Variants in ALX4 observed in about 807,000 individuals in gnomAD.
The protein encoded by ALX4 is homeobox protein aristaless-like 4.
ALX4 carries 22 observed loss-of-function variants against 40.6 expected under a neutral mutation model. The observed-to-expected ratio is 0.54, with a 90% CI of 0.39 to 0.77. The LOEUF is 0.77. Ranked by LOEUF, ALX4 falls within the 30% of genes least tolerant of loss-of-function variation. The pLI is 0.00. For missense variants in ALX4, 556 were observed against 564.8 expected, an observed-to-expected ratio of 0.98 and a Z score of 0.16; for synonymous variants, 266 against 240.5, an observed-to-expected ratio of 1.11 and a Z score of -0.98.
chr11:44,268,660 C>T (rs1307038055), intron 2 of ALX4, among the ~76,000 whole-genome samples: 1 of 152,184 alleles, frequency 6.6e-6, no homozygotes, highest in African/African-American at 2.4e-5. Flanking sequence ...GCAAGAGCTG[C>T]CCTACCCCTG....
intron 2 of ALX4, among the ~76,000 whole-genome samples, chr11:44,270,094 C>G (rs556678072): frequency 6.6e-6 from 1 of 151,682 alleles, no homozygotes; most frequent in Non-Finnish European, 1.5e-5. Context: ...GGAGGGACCC[C>G]GAAGAGGGAA....
At position 44,266,284 on chromosome 11, in the gene ALX4, C is replaced by T. The variant is rs191447372; in HGVS notation, c.907-1101G>A. ...GTGTTGGGTTCTCCCTCCAGCTGTG[C>T]GCTCAGGCAGCAGAGCTCAAAGCCA... On this transcript the variant is annotated intron_variant, in intron 3 of 3. Transcript: ENST00000652299. Among the ~76,000 whole-genome samples, 477 of 152,238 alleles carry T rather than the reference C, an allele frequency of 3.1e-3. 4 individuals carry two copies. Among genetic ancestry groups the T allele is most frequent in the African/African-American group, 0.011 (463 of 41,542 alleles).
In ALX4 at chr11:44,309,786, G is replaced by C. The variant is rs1301693385; in HGVS notation, c.277C>G (p.Gln93Glu). 1.3e-6 allele frequency: 2 copies of C among 1,548,904 alleles called. No homozygotes were observed. Among genetic ancestry groups the C allele is most frequent in the Admixed American group, 2.0e-5 (1 of 50,970 alleles). Residue 93 changes from glutamine (Q) to glutamate (E), a missense_variant, in exon 1 of 4, where the codon CAG becomes GAG. Physicochemically the swap from Gln to Glu is conservative, Grantham distance 29. Coordinates refer to ENST00000652299, the MANE Select transcript of ALX4 (RefSeq NM_021926.4). ...ARGSFNKFQP[Q>E]PSTPQPQPPP... is the part of the protein sequence containing the mutation. ...GGCTGGGGCTGCGGGGTCGACGGCT[G>C]GGGCTGGAACTTGTTAAAGGAGCCC...
chr11:44,284,991 T>G (rs1187485311), intron 1 of ALX4, among the ~76,000 whole-genome samples: 1 of 150,842 alleles, frequency 6.6e-6, no homozygotes, highest in Non-Finnish European at 1.5e-5. Flanking sequence ...TGAGATGGAG[T>G]CTCGCTGTTG....
chr11:44,303,869 G>C (rs920494604), intron 1 of ALX4, among the ~76,000 whole-genome samples: 5 of 152,188 alleles, frequency 3.3e-5, no homozygotes, highest in African/African-American at 4.8e-5. Flanking sequence ...GGTTTACTCC[G>C]CACCCCTCTA....
intron 1 of ALX4, among the ~76,000 whole-genome samples, chr11:44,309,052 G>C (rs983634576): frequency 6.6e-6 from 1 of 152,210 alleles, no homozygotes; most frequent in Non-Finnish European, 1.5e-5. Flanking sequence ...ACCACGCTCC[G>C]GGCTTCCCGC....
intron 1 of ALX4, among the ~76,000 whole-genome samples, chr11:44,285,786 C>G (rs532949306): frequency 6.6e-6 from 1 of 152,262 alleles, no homozygotes; most frequent in Non-Finnish European, 1.5e-5. Flanking sequence ...AAGGGCCACC[C>G]TTCTTCCTCC....
At chr11:44,276,190 G>A (rs1956277002) in intron 1 of ALX4, among the ~76,000 whole-genome samples, 1 of 152,338 alleles carries the variant, frequency 6.6e-6, no homozygotes, top group South Asian at 2.1e-4. Flanking sequence ...AGCAGGAGCT[G>A]TGGAGACTCT....
intron 1 of ALX4, among the ~76,000 whole-genome samples, chr11:44,285,156 G>T (rs755926480): frequency 4.0e-4 from 61 of 152,152 alleles, no homozygotes; most frequent in Non-Finnish European, 7.2e-4. Context: ...GTAGAGACAG[G>T]GTTTCGCCAT....
At chr11:44,306,849 A>C (rs1263408134) in intron 1 of ALX4, among the ~76,000 whole-genome samples, 1 of 152,120 alleles carries the variant, frequency 6.6e-6, no homozygotes, top group Non-Finnish European at 1.5e-5. Context: ...TTGTATCCTC[A>C]GTTTCTCCAT....
chr11:44,293,347 G>A (rs532209418), intron 1 of ALX4, among the ~76,000 whole-genome samples: 2 of 152,164 alleles, frequency 1.3e-5, no homozygotes, highest in Admixed American at 1.3e-4. Context: ...GGGAGGCTGA[G>A]GTGGGCGGAT....
rs770265382 is a variant in ALX4, at chr11:44,265,187, G to C, written c.907-4C>G. 1.3e-6 allele frequency: 2 copies of C among 1,595,170 alleles called. No individual in the cohort carries two copies. Among genetic ancestry groups the C allele is most frequent in the African/African-American group, 2.7e-5 (2 of 74,872 alleles). ...CGAGCCAGGACGGGTTCTGAATCTG[G>C]GAGAGGAAGGGAGAGATGTCACCGG... On this transcript the variant is annotated splice_region_variant and splice_polypyrimidine_tract_variant and intron_variant, in intron 3 of 3. Transcript: ENST00000652299.
At chr11:44,300,493 A>G (rs1956428742) in intron 1 of ALX4, among the ~76,000 whole-genome samples, 1 of 152,150 alleles carries the variant, frequency 6.6e-6, no homozygotes, top group Admixed American at 6.5e-5. Context: ...GGAGGACCCC[A>G]AACTCTACAT....
At chr11:44,305,340 C>A (rs1397234341) in intron 1 of ALX4, among the ~76,000 whole-genome samples, 1 of 152,184 alleles carries the variant, frequency 6.6e-6, no homozygotes, top group Non-Finnish European at 1.5e-5. Flanking sequence ...TGTGTTTGGA[C>A]CAGACTGGTG....
chr11:44,304,439 C>G (rs1956454356), intron 1 of ALX4, among the ~76,000 whole-genome samples: 1 of 152,166 alleles, frequency 6.6e-6, no homozygotes, highest in South Asian at 2.1e-4. Flanking sequence ...CATACACTCC[C>G]CTACCCACCC....
intron 1 of ALX4, among the ~76,000 whole-genome samples, chr11:44,288,408 T>C (rs781455914): frequency 1.3e-5 from 2 of 152,158 alleles, no homozygotes; most frequent in Admixed American, 6.6e-5. Context: ...TGTATCAAAA[T>C]AAAAAGGTTT....
intron 1 of ALX4, among the ~76,000 whole-genome samples, chr11:44,285,469 G>A (rs189809924): frequency 3.5e-4 from 53 of 152,272 alleles, no homozygotes; most frequent in Non-Finnish European, 7.1e-4. Context: ...CATGCATGGC[G>A]ATTCCCTTAG....
At chr11:44,291,469 T>C (rs12224822) in intron 1 of ALX4, among the ~76,000 whole-genome samples, 104,294 of 150,484 alleles carry the variant, frequency 0.69, 36,413 homozygotes, top group South Asian at 0.89. Flanking sequence ...AGTGCAGTGG[T>C]GCGATCTCGG....
At position 44,264,829 on chromosome 11, in the gene ALX4, G is replaced by T; in HGVS notation, c.*25C>A. Reference sequence around the variant, plus strand: ...TGGGCGTGGCCCATGGTGTCCCGAGGTGGGGACGGGGCAGGGGTGCCCTGT... The same window carrying T: ...TGGGCGTGGCCCATGGTGTCCCGAGTTGGGGACGGGGCAGGGGTGCCCTGT... On this transcript the variant is annotated 3_prime_UTR_variant, in exon 4 of 4. Coordinates refer to ENST00000652299, the MANE Select transcript of ALX4 (RefSeq NM_021926.4). The T allele has an allele frequency of 6.2e-7, 1 of 1,609,956 alleles. No homozygotes were observed.
Sources: gnomAD v4.1 joint callset for allele counts (sites outside exome capture counted in the v4.1 genomes callset) on GRCh38, gnomAD v4.1.1 for gene constraint, MANE v1.5 for transcripts, NCBI Gene and HGNC (gene_info 2026-07-23, HGNC 2026-07-21) for gene names.